TBC1D22A: variants seen among roughly 807,000 people sequenced by gnomAD.
TBC1D22A encodes putative GTPase activator.
A neutral mutation model predicts 60.2 loss-of-function variants in TBC1D22A; 38 were observed. The ratio of observed to expected loss-of-function variants is 0.63; its 90% CI spans 0.49 to 0.83. The LOEUF (loss-of-function observed/expected upper bound fraction) is 0.83, where lower values mean the gene tolerates loss of function less well. Among genes scored for constraint, TBC1D22A ranks in the 40% least tolerant of loss-of-function variants. The pLI is 0.00. For missense variants in TBC1D22A, 628 were observed against 701.0 expected (o/e 0.90, Z 1.18); for synonymous variants, 302 against 281.7 (o/e 1.07, Z -0.72).
chr22:46,972,623 G>T (rs894780377), intron 8 of TBC1D22A, among the ~76,000 whole-genome samples: 4 of 152,200 alleles, frequency 2.6e-5, no homozygotes, highest in Non-Finnish European at 5.9e-5. Flanking sequence ...GTTCGTGGTT[G>T]CCAGGCGTGG....
intron 7 of TBC1D22A, among the ~76,000 whole-genome samples, chr22:46,905,236 A>G (rs1472448832): frequency 6.6e-6 from 1 of 151,112 alleles, no homozygotes; most frequent in East Asian, 1.9e-4. Flanking sequence ...AGCATAACTC[A>G]TATGAAGTGA....
chr22:47,173,128 A>C (rs1387129189), intron 12 of TBC1D22A, among the ~76,000 whole-genome samples: 1 of 152,214 alleles, frequency 6.6e-6, no homozygotes, highest in Non-Finnish European at 1.5e-5. Context: ...CAGGGGATTC[A>C]GTTAAATGAA....
intron 5 of TBC1D22A, among the ~76,000 whole-genome samples, chr22:46,888,108 C>T (rs1002497567): frequency 6.6e-6 from 1 of 152,232 alleles, no homozygotes; most frequent in Admixed American, 6.5e-5. Context: ...ACACTGTGCG[C>T]GTTCACTTTC....
At position 46,764,666 on chromosome 22, in the gene TBC1D22A, T is replaced by C. The variant is rs561298217; in HGVS notation, c.62+1818T>C. ...AGGTCATACTGGATGAGGGTGGGCCTTAGTTCGTCAACTAGTATTTTTATA... is the reference window on the plus strand; with the variant it reads ...AGGTCATACTGGATGAGGGTGGGCCCTAGTTCGTCAACTAGTATTTTTATA... On this transcript the variant is annotated intron_variant, in intron 1 of 12. Transcript: ENST00000337137. Among the ~76,000 whole-genome samples the C allele has an allele frequency of 2.0e-5, 3 of 152,348 alleles. No homozygotes were observed. The South Asian group carries it at 6.2e-4, about 32-fold the overall frequency.
At chr22:46,982,901 C>T (rs1461608861) in intron 9 of TBC1D22A, among the ~76,000 whole-genome samples, 1 of 152,192 alleles carries the variant, frequency 6.6e-6, no homozygotes, top group East Asian at 1.9e-4. Context: ...CTCATTAGGG[C>T]TGCTTAGAAA....
chr22:46,815,530 T>C (rs2085557994), intron 4 of TBC1D22A, among the ~76,000 whole-genome samples: 1 of 152,236 alleles, frequency 6.6e-6, no homozygotes, highest in African/African-American at 2.4e-5. Flanking sequence ...CTTCAGAGGA[T>C]TGGTGGGCAG....
At chr22:46,957,499 G>A (rs2073263890) in intron 8 of TBC1D22A, among the ~76,000 whole-genome samples, 1 of 152,232 alleles carries the variant, frequency 6.6e-6, no homozygotes, top group Admixed American at 6.5e-5. Context: ...CATCTCGTGA[G>A]AACTCACTGT....
intron 12 of TBC1D22A, among the ~76,000 whole-genome samples, chr22:47,157,821 T>C (rs2067786611): frequency 6.6e-6 from 1 of 152,020 alleles, no homozygotes; most frequent in Non-Finnish European, 1.5e-5. Flanking sequence ...CAGCTGTGAG[T>C]TGGGGGCATC....
chr22:46,905,385 G>T (rs1475800001), intron 7 of TBC1D22A, among the ~76,000 whole-genome samples: 3 of 152,228 alleles, frequency 2.0e-5, no homozygotes, highest in African/African-American at 7.2e-5. Flanking sequence ...TAGCTTGCCA[G>T]CATGAAGAGG....
intron 8 of TBC1D22A, among the ~76,000 whole-genome samples, chr22:46,926,775 GCCTAC>G (rs1376690828): frequency 6.6e-6 from 1 of 152,136 alleles, no homozygotes; most frequent in African/African-American, 2.4e-5. Context: ...TAGCCTGCTA[GCCTAC>G]CCTACATATT....
intron 10 of TBC1D22A, among the ~76,000 whole-genome samples, chr22:47,012,474 C>T (rs16996160): frequency 0.044 from 6,685 of 152,242 alleles, 239 homozygotes; most frequent in African/African-American, 0.09. Context: ...CCTGGGCCCT[C>T]GGAATCATGC....
At chr22:46,800,137 C>T (rs186256242) in intron 4 of TBC1D22A, among the ~76,000 whole-genome samples, 58 of 152,276 alleles carry the variant, frequency 3.8e-4, no homozygotes, top group Non-Finnish European at 6.0e-4. Flanking sequence ...GGATTTCCCC[C>T]GACTTGACTG....
chr22:46,801,512 T>A lies in TBC1D22A; in HGVS notation c.637+3892T>A, dbSNP rs2084895191. 1.3e-5 allele frequency among the ~76,000 whole-genome samples: 2 copies of A among 152,260 alleles called. 1 individual carries two copies. Among genetic ancestry groups the A allele is most frequent in the Non-Finnish European group, 2.9e-5 (2 of 68,046 alleles). On this transcript the variant is annotated intron_variant, in intron 4 of 12. Coordinates refer to ENST00000337137, the MANE Select transcript of TBC1D22A (RefSeq NM_014346.5). ...AGAACTTAATAGCTCATTTTACTCT[T>A]AGCATTGGCTCAATATTTACTCACA...
intron 8 of TBC1D22A, chr22:46,913,566 A>T: frequency 2.5e-6 from 3 of 1,192,220 alleles, no homozygotes; most frequent in Non-Finnish European, 3.2e-6. Flanking sequence ...TCATCTCTTA[A>T]GTAGGGGAGA....
intron 1 of TBC1D22A, among the ~76,000 whole-genome samples, chr22:46,772,084 T>C (rs1260629491): frequency 7.7e-5 from 11 of 143,302 alleles, no homozygotes; most frequent in African/African-American, 2.9e-4. Context: ...CATATACATA[T>C]ATATGTATAC....
chr22:47,045,069 T>G (rs987687578), intron 11 of TBC1D22A, among the ~76,000 whole-genome samples: 2 of 152,218 alleles, frequency 1.3e-5, no homozygotes, highest in African/African-American at 4.8e-5. Context: ...TGGGGCGGTC[T>G]CTCCTCTTTG....
At chr22:46,934,136 T>TTTCTCATGATCCAAGTAAGGATTTGTAG (rs2071510567) in intron 8 of TBC1D22A, among the ~76,000 whole-genome samples, 1 of 152,270 alleles carries the variant, frequency 6.6e-6, no homozygotes, top group African/African-American at 2.4e-5. Context: ...AGACTTTTTA[T>TTTCTCATGATCCAAGTAAGGATTTGTAG]TTCTCATGAT....
intron 12 of TBC1D22A, among the ~76,000 whole-genome samples, chr22:47,148,756 GT>G (rs1467983258): frequency 1.3e-5 from 2 of 150,062 alleles, no homozygotes; most frequent in Admixed American, 6.6e-5. Flanking sequence ...CCTCCTCTGG[GT>G]TCTTCTCCTG....
At chr22:47,083,283 A>C (rs993932763) in intron 11 of TBC1D22A, among the ~76,000 whole-genome samples, 18 of 151,968 alleles carry the variant, frequency 1.2e-4, no homozygotes, top group African/African-American at 4.4e-4. Context: ...TCTGTGTTTT[A>C]AATTATACAT....
Sources: gnomAD v4.1 joint callset for allele counts (sites outside exome capture counted in the v4.1 genomes callset) on GRCh38, gnomAD v4.1.1 for gene constraint, MANE v1.5 for transcripts, NCBI Gene and HGNC (gene_info 2026-07-23, HGNC 2026-07-21) for gene names.